Variants in TTC1 observed in about 807,000 individuals in gnomAD.
TTC1 encodes the protein tetratricopeptide repeat domain 1.
A neutral mutation model predicts 37.6 loss-of-function variants in TTC1; 31 were observed. The ratio of observed to expected loss-of-function variants is 0.82; its 90% CI spans 0.62 to 1.11. The LOEUF (loss-of-function observed/expected upper bound fraction) is 1.11. Ranked by LOEUF, TTC1 falls within the 50% of genes most tolerant of loss-of-function variation. The pLI is 0.00. For synonymous variants in TTC1, 127 were observed against 122.4 expected (o/e 1.04, Z -0.25); for missense variants, 351 against 339.0 (o/e 1.04, Z -0.28).
intron 2 of TTC1, among the ~76,000 whole-genome samples, chr5:160,032,891 T>G (rs74354033): frequency 0.059 from 8,577 of 144,552 alleles, 265 homozygotes; most frequent in East Asian, 0.13. Flanking sequence ...TTTTTTTTTT[T>G]GGGGGGGTAT....
In TTC1 at chr5:160,051,168, A is replaced by AAT; in HGVS notation, c.731_732insTA (p.Lys244AsnfsTer6). On this transcript the variant is annotated frameshift_variant, in exon 7 of 8. Transcript: ENST00000231238. LOFTEE classifies it high-confidence loss of function. ...AATTGAAGAACGTAATGAAAGACTA[A>AAT]AAGAAGAGATGTTAGGTAAGCTTAC... 2 of 1,611,076 alleles carry AAT rather than the reference A, an allele frequency of 1.2e-6. No individual in the cohort carries two copies. The highest frequency in any genetic ancestry group is 1.7e-6 in the Non-Finnish European group (2 of 1,178,252).
At chr5:160,030,070 G>A (rs998775684) in intron 2 of TTC1, among the ~76,000 whole-genome samples, 2 of 152,208 alleles carry the variant, frequency 1.3e-5, no homozygotes, top group African/African-American at 2.4e-5. Context: ...AAAACAATCT[G>A]TGAGGCAGAA....
intron 2 of TTC1, among the ~76,000 whole-genome samples, chr5:160,033,005 T>C (rs1045481971): frequency 1.3e-5 from 2 of 152,082 alleles, no homozygotes; most frequent in South Asian, 4.1e-4. Context: ...ATTACAGGCG[T>C]GAGCCACCAC....
At chr5:160,061,050 A>G (rs1219803541) in intron 7 of TTC1, among the ~76,000 whole-genome samples, 3 of 152,242 alleles carry the variant, frequency 2.0e-5, no homozygotes, top group Non-Finnish European at 4.4e-5. Flanking sequence ...TCAAGCTGTC[A>G]GTGGCCTCCT....
chr5:160,014,427 G>T (rs1756563088), intron 2 of TTC1, among the ~76,000 whole-genome samples: 1 of 151,956 alleles, frequency 6.6e-6, no homozygotes, highest in African/African-American at 2.4e-5. Context: ...CACTTGGGAG[G>T]CTGAGGCTGG....
chr5:160,036,929 A>T, intron 4 of TTC1, 126 bp downstream of exon 4: 2 of 618,956 alleles, frequency 3.2e-6, no homozygotes, highest in Non-Finnish European at 5.7e-6. Flanking sequence ...TATTTCCCTG[A>T]TGTAAAGGCC....
At chr5:160,059,197 T>C (rs1172030480) in intron 7 of TTC1, among the ~76,000 whole-genome samples, 1 of 149,956 alleles carries the variant, frequency 6.7e-6, no homozygotes, top group East Asian at 2.0e-4. Context: ...AGTGCTGTTT[T>C]CATCTACACT....
intron 1 of TTC1, among the ~76,000 whole-genome samples, chr5:160,009,989 TC>T (rs1240960177): frequency 2.6e-5 from 4 of 152,224 alleles, no homozygotes; most frequent in Non-Finnish European, 2.9e-5. Context: ...TAGGGCTGCT[TC>T]CTTTTTCTTG....
At position 160,065,038 on chromosome 5, in the gene TTC1, C is replaced by T. The variant is rs779455009; in HGVS notation, c.852C>T (p.Phe284=). 2.6e-5 allele frequency: 42 copies of T among 1,612,086 alleles called. No individual in the cohort carries two copies. The South Asian group carries it at 3.1e-4, about 12-fold the overall frequency. The stretch of plus-strand genomic sequence containing the variant: ...CTACCGGCTCGTACTCCATCAATTT[C>T]GTTCAAAATCCAAATAATAACAGAT... ...DSSTGSYSIN[F]VQNPNNNR Residue 284 remains phenylalanine (F), a synonymous_variant, in exon 8 of 8, where the codon TTC becomes TTT. Transcript: ENST00000231238.
chr5:160,023,607 G>T, intron 2 of TTC1: 1 of 720,704 alleles, frequency 1.4e-6, no homozygotes, highest in Non-Finnish European at 2.3e-6. Flanking sequence ...GTAGTTTCGT[G>T]TTTTATCACG....
At chr5:160,023,599 A>G in intron 2 of TTC1, 1 of 665,542 alleles carries the variant, frequency 1.5e-6, no homozygotes, top group Non-Finnish European at 2.6e-6. Flanking sequence ...TATTTTAGGT[A>G]GTTTCGTGTT....
chr5:160,029,500 T>C (rs1156250152), intron 2 of TTC1, among the ~76,000 whole-genome samples: 20 of 113,678 alleles, frequency 1.8e-4, no homozygotes, highest in Non-Finnish European at 3.2e-4. Flanking sequence ...AAAAAAAAAA[T>C]AGCTAGGCGT....
chr5:160,033,112 GT>G (rs1756941778), intron 2 of TTC1, among the ~76,000 whole-genome samples: 1 of 152,020 alleles, frequency 6.6e-6, no homozygotes, highest in African/African-American at 2.4e-5. Flanking sequence ...GCCCCCTAAA[GT>G]TTTTTGCTTA....
At position 160,057,632 on chromosome 5, in the gene TTC1, T is replaced by C. The variant is rs1350657245; in HGVS notation, c.745+6449T>C. ...TTGCCACATCAGTTGATTTTTCCTT[T>C]CATGAAAGATTTCTCAGTAGCATGC... On this transcript the variant is annotated intron_variant, in intron 7 of 7. Transcript: ENST00000231238. The surrounding 1 kb of genome is among the most constrained non-coding windows in gnomAD (Gnocchi z 4.4). 6.6e-6 allele frequency among the ~76,000 whole-genome samples: 1 copy of C among 152,210 alleles called. No homozygotes were observed. Among genetic ancestry groups the C allele is most frequent in the East Asian group, 1.9e-4 (1 of 5,198 alleles).
chr5:160,034,147 T>A (rs1756964432), intron 2 of TTC1, among the ~76,000 whole-genome samples: 1 of 149,330 alleles, frequency 6.7e-6, no homozygotes, highest in Non-Finnish European at 1.5e-5. Context: ...TTTTTTTTTT[T>A]AAGGGACTTT....
Position 160,010,661 on chromosome 5 carries a change from C to T in TTC1, c.133C>T (p.Leu45=). 2 of 1,613,834 alleles carry T rather than the reference C, an allele frequency of 1.2e-6. No individual in the cohort carries two copies. The highest frequency in any genetic ancestry group is 1.7e-6 in the Non-Finnish European group (2 of 1,179,862). Reference sequence around the variant, plus strand: ...CAAAAATCAGCATTCCCAGAGTAAGCTGCTCAGGGATGATGAGGCCCATCT... The same window carrying T: ...CAAAAATCAGCATTCCCAGAGTAAGTTGCTCAGGGATGATGAGGCCCATCT... ...DPKNQHSQSK[L]LRDDEAHLQE... is the part of the protein sequence containing the mutation. The change falls in exon 2 of 8, where the codon CTG becomes TTG. Residue 45 remains leucine, a synonymous_variant. Coordinates refer to ENST00000231238, the MANE Select transcript of TTC1 (RefSeq NM_003314.3).
At chr5:160,048,648 G>C (rs890365988) in intron 5 of TTC1, among the ~76,000 whole-genome samples, 1 of 152,144 alleles carries the variant, frequency 6.6e-6, no homozygotes, top group African/African-American at 2.4e-5. Flanking sequence ...GATTTAACTA[G>C]AAATATAATC....
At chr5:160,063,966 C>CT (rs34967107) in intron 7 of TTC1, among the ~76,000 whole-genome samples, 6,718 of 106,592 alleles carry the variant, frequency 0.063, 513 homozygotes, top group East Asian at 0.1. Context: ...TAGACCATGA[C>CT]TTTTTTTTTT....
At chr5:160,053,759 T>G (rs1043984322) in intron 7 of TTC1, among the ~76,000 whole-genome samples, 2 of 152,222 alleles carry the variant, frequency 1.3e-5, no homozygotes, top group African/African-American at 4.8e-5. Context: ...CCTTGAGTAG[T>G]ACAAAATGGG....
Sources: allele counts gnomAD v4.1 joint callset (sites outside exome capture counted in the v4.1 genomes callset), GRCh38; gene constraint gnomAD v4.1.1; non-coding constraint Gnocchi (gnomAD v3.1); transcripts MANE v1.5; gene names NCBI Gene and HGNC (gene_info 2026-07-23, HGNC 2026-07-21).